RANBP3: variants seen among roughly 807,000 people sequenced by gnomAD.
RANBP3 encodes the protein ran-binding protein 3.
A neutral mutation model predicts 77.3 loss-of-function variants in RANBP3; 14 were observed. That is an observed-to-expected ratio of 0.18 (90% CI 0.12 to 0.28). The LOEUF (loss-of-function observed/expected upper bound fraction) is 0.28. Among genes scored for constraint, RANBP3 ranks in the 10% least tolerant of loss-of-function variants. The pLI, the probability that RANBP3 is intolerant of heterozygous loss-of-function variation, is 1.00. For synonymous variants in RANBP3, 315 were observed against 312.4 expected, an observed-to-expected ratio of 1.01 and a Z score of -0.09; for missense variants, 586 against 752.3, an observed-to-expected ratio of 0.78 and a Z score of 2.59.
At position 5,958,414 on chromosome 19, in the gene RANBP3, T is replaced by C. The variant is rs111535761; in HGVS notation, c.23-441A>G. 3.3e-5 allele frequency among the ~76,000 whole-genome samples: 5 copies of C among 152,266 alleles called. No individual in the cohort carries two copies. Among genetic ancestry groups the C allele is most frequent in the Admixed American group, 2.0e-4 (3 of 15,286 alleles). On this transcript the variant is annotated intron_variant, in intron 1 of 16. Transcript: ENST00000340578. The surrounding 1 kb of genome is among the most constrained non-coding windows in gnomAD (Gnocchi z 4.4). Reference sequence around the variant, plus strand: ...AAAAAAGGGCCACCGCTCGCGCTGTTTGCAGACAGTTCTGGTAGAAGAATC... The same window carrying C: ...AAAAAAGGGCCACCGCTCGCGCTGTCTGCAGACAGTTCTGGTAGAAGAATC...
chr19:5,923,856 T>C lies in RANBP3; in HGVS notation c.1055A>G (p.Glu352Gly), dbSNP rs753110996. ...SDANRENAAA[E>G]SGSESSSQEA... Reference sequence around the variant, plus strand: ...CTGGGACGAGGACTCAGACCCTGACTCGGCAGCTGCATTTTCCCTGTTGGC... The same window carrying C: ...CTGGGACGAGGACTCAGACCCTGACCCGGCAGCTGCATTTTCCCTGTTGGC... The change falls in exon 12 of 17, where the codon GAG (glutamate) becomes GGG (glycine). Residue 352 changes from glutamate (E) to glycine (G), a missense_variant. Around this residue, in one of 5 missense-constraint regions of RANBP3, gnomAD observed 232 missense variants for 271.7 expected, o/e 0.85. Transcript: ENST00000340578. 6.2e-7 allele frequency: 1 copy of C among 1,614,162 alleles called. No homozygotes were observed. The highest frequency in any genetic ancestry group is 1.1e-5 in the South Asian group (1 of 91,076).
At position 5,931,724 on chromosome 19, in the gene RANBP3, A is replaced by AC. The variant is rs773271051; in HGVS notation, c.566-194_566-193insG. ...AAAATTCTTGGATTTAAAAAAAAACAAGAGAAACAAACAAAAAAGAGAAAC... is the reference window on the plus strand; with the variant it reads ...AAAATTCTTGGATTTAAAAAAAAACACAGAGAAACAAACAAAAAAGAGAAAC... On this transcript the variant is annotated intron_variant, in intron 7 of 16. Transcript: ENST00000340578. Among the ~76,000 whole-genome samples the AC allele has an allele frequency of 1.1e-4, 17 of 152,262 alleles. No individual in the cohort carries two copies. The East Asian group carries it at 3.3e-3, about 29-fold the overall frequency.
chr19:5,933,631 G>A (rs373521118), intron 5 of RANBP3, 152 bp from the exon 6 acceptor site: 18 of 582,498 alleles, frequency 3.1e-5, no homozygotes, highest in Non-Finnish European at 5.1e-5. Flanking sequence ...CAGAAGTCTC[G>A]TCCGATCAGC....
In RANBP3 at chr19:5,924,013, C is replaced by A; in HGVS notation, c.997-99G>T. On this transcript the variant is annotated intron_variant, in intron 11 of 16. Coordinates refer to ENST00000340578, the MANE Select transcript of RANBP3 (RefSeq NM_007322.3). This position sits in a 1 kb window ranked among gnomAD's most constrained non-coding sequence, Gnocchi z 4.7. ...TGCCTGGCCCCCAACACTACGCTGC[C>A]CCCAGCACTCCTGCCCACTCCCGGT... is the stretch of plus-strand genomic sequence containing the variant. The A allele has an allele frequency of 1.1e-6, 1 of 886,638 alleles. No individual in the cohort carries two copies. 54.9% of individuals were successfully genotyped at this position (886,638 alleles called of 1,614,324 possible).
chr19:5,917,705 C>A, intron 16 of RANBP3, 52 bp from the exon 17 acceptor site: 1 of 1,592,378 alleles, frequency 6.3e-7, no homozygotes, highest in Non-Finnish European at 8.5e-7. Context: ...CTTCCCAGGT[C>A]TGGCCACCCC....
intron 2 of RANBP3, among the ~76,000 whole-genome samples, chr19:5,957,552 CTCCCTCCCCACCT>C (rs1599779074): frequency 7.6e-6 from 1 of 131,116 alleles, no homozygotes; most frequent in East Asian, 2.5e-4. Context: ...CCCTCCCTGA[CTCCCTCCCCACCT>C]TCCCTCCTCC....
intron 1 of RANBP3, chr19:5,965,688 T>TTC (rs2058459262): frequency 1.3e-5 from 2 of 152,314 alleles, no homozygotes; most frequent in South Asian, 4.1e-4. Context: ...AAAGGTGAGT[T>TTC]TCCCAACGCT....
intron 5 of RANBP3, among the ~76,000 whole-genome samples, chr19:5,937,950 C>T (rs1389690554): frequency 6.6e-6 from 1 of 152,130 alleles, no homozygotes; most frequent in Non-Finnish European, 1.5e-5. Flanking sequence ...AGGCTCTGTG[C>T]CCCCATCCAG....
At chr19:5,936,680 G>A (rs1356621797) in intron 5 of RANBP3, among the ~76,000 whole-genome samples, 1 of 152,216 alleles carries the variant, frequency 6.6e-6, no homozygotes, top group East Asian at 1.9e-4. Context: ...TAAGGGCAGT[G>A]CTCAAATGAA....
chr19:5,953,149 G>C (rs1490754572), intron 2 of RANBP3, among the ~76,000 whole-genome samples: 1 of 152,104 alleles, frequency 6.6e-6, no homozygotes, highest in Non-Finnish European at 1.5e-5. Context: ...CGTCATCTTT[G>C]GTTAAGATGA....
At chr19:5,941,207 T>C (rs543805633) in intron 5 of RANBP3, among the ~76,000 whole-genome samples, 2 of 152,332 alleles carry the variant, frequency 1.3e-5, no homozygotes, top group South Asian at 4.1e-4. Flanking sequence ...TCTGGGCTAC[T>C]GCACTGGACT....
intron 1 of RANBP3, among the ~76,000 whole-genome samples, chr19:5,970,190 C>A (rs1204270864): frequency 1.3e-5 from 2 of 152,168 alleles, no homozygotes; most frequent in African/African-American, 2.4e-5. Flanking sequence ...CAAATGTCAA[C>A]TGAGCTGAGG....
chr19:5,936,149 A>C (rs986970810), intron 5 of RANBP3, among the ~76,000 whole-genome samples: 1 of 152,236 alleles, frequency 6.6e-6, no homozygotes, highest in Non-Finnish European at 1.5e-5. Context: ...TGTGCATCAA[A>C]TGCTGAGAAG....
chr19:5,961,130 A>G (rs2058394641), intron 1 of RANBP3, among the ~76,000 whole-genome samples: 1 of 152,158 alleles, frequency 6.6e-6, no homozygotes, highest in South Asian at 2.1e-4. Flanking sequence ...CAGAAGCACT[A>G]TCATGAAACA....
rs1247824620 is a variant in RANBP3 at position 5,927,457 on chromosome 19, G to C, written c.813+511C>G. On this transcript the variant is annotated intron_variant, in intron 9 of 16. Coordinates refer to ENST00000340578, the MANE Select transcript of RANBP3 (RefSeq NM_007322.3). ...ATACTGGCCACGTCTGGGGACATTT[G>C]TGGTTGTCAGATGTCAGGAGCATTG... 2.0e-5 allele frequency among the ~76,000 whole-genome samples: 3 copies of C among 152,362 alleles called. No homozygotes were observed. The East Asian group carries it at 5.8e-4, about 29-fold the overall frequency.
chr19:5,977,920 C>T (rs886260218), intron 1 of RANBP3, 141 bp downstream of exon 1: 9 of 1,121,386 alleles, frequency 8.0e-6, no homozygotes, highest in Non-Finnish European at 9.7e-6. Context: ...TAGGGGGCGG[C>T]TGCAAGGCCC....
At chr19:5,951,782 C>T (rs1454196218) in intron 2 of RANBP3, among the ~76,000 whole-genome samples, 186 bp from the exon 3 acceptor site, 4 of 152,238 alleles carry the variant, frequency 2.6e-5, no homozygotes, top group East Asian at 1.9e-4. Flanking sequence ...CTCCGGCTGA[C>T]GGAAGGGAAG....
chr19:5,924,776 T>A lies in RANBP3; in HGVS notation c.996+51A>T. Reference sequence around the variant, plus strand: ...TCTCCATGTCCCCTTGACCTGTGGCTGGCGCCGAGAGCCTCTGGTCCCTGA... The same window carrying A: ...TCTCCATGTCCCCTTGACCTGTGGCAGGCGCCGAGAGCCTCTGGTCCCTGA... On this transcript the variant is annotated intron_variant, in intron 11 of 16. Coordinates refer to ENST00000340578, the MANE Select transcript of RANBP3 (RefSeq NM_007322.3). The surrounding 1 kb of genome is among the most constrained non-coding windows in gnomAD (Gnocchi z 4.7). 1 of 1,551,638 alleles carries A rather than the reference T, an allele frequency of 6.4e-7. No individual in the cohort carries two copies. The highest frequency in any genetic ancestry group is 8.9e-7 in the Non-Finnish European group (1 of 1,123,468).
chr19:5,951,726 G>A, intron 2 of RANBP3, 130 bp from the exon 3 acceptor site: 1 of 812,448 alleles, frequency 1.2e-6, no homozygotes, highest in Non-Finnish European at 2.0e-6. Context: ...GAGGAAGATG[G>A]GGAGAGCAGG....
Sources: gnomAD v4.1 joint callset for allele counts (sites outside exome capture counted in the v4.1 genomes callset) on GRCh38, gnomAD v4.1.1 for gene constraint, gnomAD v4.1.1 regional missense constraint, Gnocchi (gnomAD v3.1) non-coding constraint, MANE v1.5 for transcripts, NCBI Gene and HGNC (gene_info 2026-07-23, HGNC 2026-07-21) for gene names.